Variants in PDE10A observed in about 807,000 individuals in gnomAD.
PDE10A encodes the protein cAMP and cAMP-inhibited cGMP 3',5'-cyclic phosphodiesterase 10A.
PDE10A carries 39 observed loss-of-function variants against 97.7 expected under a neutral mutation model. The observed-to-expected ratio is 0.40, with a 90% CI of 0.31 to 0.52. PDE10A has a LOEUF of 0.52. Ranked by LOEUF, PDE10A falls within the 20% of genes least tolerant of loss-of-function variation. PDE10A has a pLI of 0.56. For missense variants in PDE10A, 731 were observed against 1,047.8 expected, an observed-to-expected ratio of 0.70 and a Z score of 4.17; for synonymous variants, 371 against 376.8, an observed-to-expected ratio of 0.98 and a Z score of 0.18.
chr6:165,887,062 G>A (rs1328685333), intron 1 of PDE10A, among the ~76,000 whole-genome samples: 1 of 152,078 alleles, frequency 6.6e-6, no homozygotes, highest in African/African-American at 2.4e-5. Context: ...TAAACAATTG[G>A]GGAGATTTAT....
intron 1 of PDE10A, among the ~76,000 whole-genome samples, chr6:165,858,724 A>G (rs1477898763): frequency 6.6e-6 from 1 of 152,156 alleles, no homozygotes; most frequent in East Asian, 1.9e-4. Context: ...CCAATTCAGC[A>G]TTGACTCCCA....
chr6:165,772,166 A>G (rs1438893740), intron 1 of PDE10A, among the ~76,000 whole-genome samples: 1 of 152,238 alleles, frequency 6.6e-6, no homozygotes, highest in African/African-American at 2.4e-5. Flanking sequence ...ACCGGCAAGT[A>G]CAAAGAATAA....
chr6:165,619,371 G>GTCTAGTATA lies in PDE10A; in HGVS notation c.865+42575_865+42576insTATACTAGA, dbSNP rs1562634555. Among the ~76,000 whole-genome samples the GTCTAGTATA allele has an allele frequency of 9.1e-4, 7 of 7,678 alleles. 2 individuals are homozygous for GTCTAGTATA. The highest frequency in any genetic ancestry group is 1.4e-3 in the African/African-American group (4 of 2,858). 5.0% of individuals were successfully genotyped at this position (7,678 alleles called of 152,430 possible). ...AGTGTAGTGTAGTCTAGTGTAGTGT[G>GTCTAGTATA]GTGTAGTGTAGTCTAGTATAGTGTA... is the stretch of plus-strand genomic sequence containing the variant. On this transcript the variant is annotated intron_variant, in intron 1 of 21. Coordinates refer to ENST00000539869, the MANE Select transcript of PDE10A (RefSeq NM_001385079.1).
At chr6:165,756,972 A>AT (rs34234898) in intron 1 of PDE10A, among the ~76,000 whole-genome samples, 60,755 of 146,150 alleles carry the variant, frequency 0.42, 12,967 homozygotes, top group Admixed American at 0.48. Context: ...TTAGGATGCT[A>AT]TTTTTTTTTT....
chr6:165,813,624 T>C (rs954091849), intron 1 of PDE10A, among the ~76,000 whole-genome samples: 1 of 152,208 alleles, frequency 6.6e-6, no homozygotes, highest in African/African-American at 2.4e-5. Context: ...TAAGGTAATA[T>C]ATAAATCTGA....
intron 1 of PDE10A, among the ~76,000 whole-genome samples, chr6:165,724,268 C>T (rs1367956475): frequency 7.2e-5 from 11 of 152,298 alleles, no homozygotes; most frequent in African/African-American, 2.6e-4. Context: ...CCCCTAGGGG[C>T]TCAGATTTTT....
At chr6:165,408,591 G>A (rs1319487524) in intron 13 of PDE10A, among the ~76,000 whole-genome samples, 7 of 151,954 alleles carry the variant, frequency 4.6e-5, no homozygotes, top group South Asian at 2.1e-4. Flanking sequence ...GCATACATTT[G>A]GAGCTATTTT....
chr6:165,803,150 T>G (rs749715014), intron 1 of PDE10A, among the ~76,000 whole-genome samples: 12 of 152,230 alleles, frequency 7.9e-5, no homozygotes, highest in Non-Finnish European at 1.3e-4. Context: ...GGGGCATAAT[T>G]TTTATTGTGC....
At chr6:165,649,137 G>A (rs1054027647) in intron 1 of PDE10A, among the ~76,000 whole-genome samples, 1 of 152,248 alleles carries the variant, frequency 6.6e-6, no homozygotes, top group East Asian at 1.9e-4. Context: ...CTCACGAGGA[G>A]CTTGCAGCTC....
intron 9 of PDE10A, among the ~76,000 whole-genome samples, chr6:165,429,879 A>AAAT (rs765782699): frequency 2.8e-5 from 4 of 142,808 alleles, no homozygotes; most frequent in East Asian, 4.5e-4. Flanking sequence ...GGGAAAATTT[A>AAAT]AATAATAATA....
At chr6:165,758,710 G>A (rs1049534632) in intron 1 of PDE10A, among the ~76,000 whole-genome samples, 34 of 150,994 alleles carry the variant, frequency 2.3e-4, no homozygotes, top group Non-Finnish European at 4.0e-4. Flanking sequence ...AAGGAGGAGG[G>A]GGAGGAGGAT....
At chr6:165,355,233 T>C (rs888150871) in intron 18 of PDE10A, among the ~76,000 whole-genome samples, 3 of 152,212 alleles carry the variant, frequency 2.0e-5, no homozygotes, top group African/African-American at 7.2e-5. Flanking sequence ...GGTTATGTTA[T>C]ATAGAATGAA....
intron 2 of PDE10A, 28 bp from the exon 3 acceptor site, chr6:165,482,371 A>C (rs1204987631): frequency 6.3e-7 from 1 of 1,577,448 alleles, no homozygotes; most frequent in South Asian, 1.1e-5. Context: ...AGAGGGAAAA[A>C]CACAATTAGC....
chr6:165,410,094 CAT>C (rs1175788713), intron 13 of PDE10A, among the ~76,000 whole-genome samples: 2 of 152,102 alleles, frequency 1.3e-5, no homozygotes, highest in Non-Finnish European at 2.9e-5. Context: ...AACTTTCACA[CAT>C]ATTCTTACTC....
At chr6:165,608,072 ATGTATATATGTATATATATG>A (rs546599351) in intron 1 of PDE10A, among the ~76,000 whole-genome samples, 6,177 of 147,974 alleles carry the variant, frequency 0.042, 424 homozygotes, top group African/African-American at 0.15. Context: ...GTATATATAT[ATGTATATATGTATATATATG>A]TGCATATATA....
intron 1 of PDE10A, among the ~76,000 whole-genome samples, chr6:165,582,686 C>T (rs1390894145): frequency 6.7e-6 from 1 of 149,964 alleles, no homozygotes; most frequent in Admixed American, 6.6e-5. Context: ...AAAAAAAAAA[C>T]AGGTTTTACT....
intron 1 of PDE10A, among the ~76,000 whole-genome samples, chr6:165,822,074 T>C (rs1397561438): frequency 1.3e-5 from 2 of 152,206 alleles, no homozygotes; most frequent in African/African-American, 4.8e-5. Flanking sequence ...CTTTTCCTGT[T>C]AATCTCACAC....
intron 1 of PDE10A, among the ~76,000 whole-genome samples, chr6:165,558,950 A>G (rs891520855): frequency 1.4e-5 from 2 of 143,076 alleles, no homozygotes; most frequent in Non-Finnish European, 3.0e-5. Flanking sequence ...TTAAAGTATA[A>G]TAAAAAAATA....
At chr6:165,650,500 G>C (rs201896137) in intron 1 of PDE10A, among the ~76,000 whole-genome samples, 1 of 144,346 alleles carries the variant, frequency 6.9e-6, no homozygotes, top group South Asian at 2.3e-4. Context: ...AAATGTATCT[G>C]AGTGTGTGTG....
Sources: allele counts gnomAD v4.1 joint callset (sites outside exome capture counted in the v4.1 genomes callset), GRCh38; gene constraint gnomAD v4.1.1; transcripts MANE v1.5; gene names NCBI Gene and HGNC (gene_info 2026-07-23, HGNC 2026-07-21).